The following ARHGEF28 variants were observed in gnomAD, a reference collection of about 807,000 sequenced individuals.
ARHGEF28 encodes the protein 190 kDa guanine nucleotide exchange factor.
ARHGEF28 carries 152 observed loss-of-function variants against 206.6 expected under a neutral mutation model. The observed-to-expected ratio is 0.74, with a 90% CI of 0.64 to 0.84. The LOEUF is 0.84. Ranked by LOEUF, ARHGEF28 falls within the 40% of genes least tolerant of loss-of-function variation. ARHGEF28 has a pLI of 0.00. For synonymous variants in ARHGEF28, 763 were observed against 776.4 expected (o/e 0.98, Z 0.29); for missense variants, 2,028 against 2,073.2 (o/e 0.98, Z 0.42).
intron 2 of ARHGEF28, among the ~76,000 whole-genome samples, chr5:73,697,988 G>A (rs529360447): frequency 1.3e-5 from 2 of 152,288 alleles, no homozygotes; most frequent in South Asian, 4.2e-4. Context: ...TGCAGGTTTT[G>A]TGAGGCCTGA....
At position 73,772,670 on chromosome 5, in the gene ARHGEF28, G is replaced by A. The variant is rs145852101; in HGVS notation, c.476-1185G>A. 8.5e-4 allele frequency among the ~76,000 whole-genome samples: 129 copies of A among 152,246 alleles called. 1 individual carries two copies. Among genetic ancestry groups the A allele is most frequent in the African/African-American group, 3.0e-3 (124 of 41,548 alleles). The stretch of plus-strand genomic sequence containing the variant: ...CTGGGATTAAGGCATTAGCCACCAC[G>A]CCTGGCCTTATAAGGGTTTTTAATG... On this transcript the variant is annotated intron_variant, in intron 4 of 35. Transcript: ENST00000513042.
intron 2 of ARHGEF28, among the ~76,000 whole-genome samples, chr5:73,703,478 A>T (rs1429155609): frequency 6.6e-6 from 1 of 152,138 alleles, no homozygotes; most frequent in Non-Finnish European, 1.5e-5. Context: ...GAGGAAGAGG[A>T]GGTCAGGTAG....
intron 2 of ARHGEF28, among the ~76,000 whole-genome samples, chr5:73,705,958 G>A (rs576772396): frequency 2.0e-5 from 3 of 152,248 alleles, no homozygotes; most frequent in East Asian, 3.9e-4. Flanking sequence ...AGCACGTGGC[G>A]GTGTTCAGCA....
chr5:73,666,629 A>G (rs1745977472), intron 1 of ARHGEF28, among the ~76,000 whole-genome samples: 1 of 152,220 alleles, frequency 6.6e-6, no homozygotes, highest in Non-Finnish European at 1.5e-5. Flanking sequence ...TGTCAACTGT[A>G]GAATGATGAG....
chr5:73,687,259 C>T (rs1158318696), intron 2 of ARHGEF28, among the ~76,000 whole-genome samples: 1 of 151,834 alleles, frequency 6.6e-6, no homozygotes, highest in Non-Finnish European at 1.5e-5. Flanking sequence ...TAGAAAAGGT[C>T]TTTTAATAAA....
chr5:73,847,169 T>G (rs1228052319), intron 12 of ARHGEF28, among the ~76,000 whole-genome samples: 7 of 152,240 alleles, frequency 4.6e-5, no homozygotes, highest in Non-Finnish European at 8.8e-5. Context: ...AGTTTACTTA[T>G]TACTATAAAA....
chr5:73,921,682 C>T (rs115050069), intron 35 of ARHGEF28, among the ~76,000 whole-genome samples: 2,529 of 152,210 alleles, frequency 0.017, 77 homozygotes, highest in African/African-American at 0.057. Flanking sequence ...TACACTATGG[C>T]TTTTTCTTTC....
At chr5:73,747,552 T>G (rs1242332424) in intron 2 of ARHGEF28, among the ~76,000 whole-genome samples, 1 of 152,212 alleles carries the variant, frequency 6.6e-6, no homozygotes, top group East Asian at 1.9e-4. Context: ...CATATTTTCT[T>G]TCCTTGTCTT....
chr5:73,840,953 G>C (rs1757952324), intron 11 of ARHGEF28, among the ~76,000 whole-genome samples, 193 bp downstream of exon 11: 1 of 152,050 alleles, frequency 6.6e-6, no homozygotes, highest in Admixed American at 6.5e-5. Flanking sequence ...ATATGATAAA[G>C]GAAAACCACG....
At chr5:73,877,841 A>C (rs1210549655) in intron 22 of ARHGEF28, among the ~76,000 whole-genome samples, 1 of 152,192 alleles carries the variant, frequency 6.6e-6, no homozygotes, top group Non-Finnish European at 1.5e-5. Context: ...TTTACTTCCA[A>C]CTGTGTGGCC....
At chr5:73,766,160 A>C (rs151222749) in intron 4 of ARHGEF28, among the ~76,000 whole-genome samples, 7,994 of 151,838 alleles carry the variant, frequency 0.053, 323 homozygotes, top group Non-Finnish European at 0.083. Flanking sequence ...TCTCAAAAAA[A>C]AAAAAACAAA....
At chr5:73,918,470 T>C (rs1184880516) in intron 35 of ARHGEF28, among the ~76,000 whole-genome samples, 4 of 152,266 alleles carry the variant, frequency 2.6e-5, no homozygotes, top group Non-Finnish European at 5.9e-5. Context: ...CAATATTATA[T>C]GGCATTTCAT....
chr5:73,894,337 A>C, intron 28 of ARHGEF28, 56 bp from the exon 29 acceptor site: 1 of 1,484,332 alleles, frequency 6.7e-7, no homozygotes, highest in Non-Finnish European at 9.1e-7. Flanking sequence ...GGACTTTCAC[A>C]TTAGTGGTTG....
At chr5:73,709,089 T>C (rs1749102592) in intron 2 of ARHGEF28, among the ~76,000 whole-genome samples, 1 of 152,234 alleles carries the variant, frequency 6.6e-6, no homozygotes, top group South Asian at 2.1e-4. Flanking sequence ...TCAGCTCCTT[T>C]CTTTACAATC....
intron 1 of ARHGEF28, among the ~76,000 whole-genome samples, chr5:73,640,925 C>T (rs186150822): frequency 2.1e-3 from 325 of 152,276 alleles, no homozygotes; most frequent in African/African-American, 7.2e-3. Context: ...TGGTACTGTG[C>T]CAGTTCCTAA....
At chr5:73,728,115 C>T (rs1228118017) in intron 2 of ARHGEF28, among the ~76,000 whole-genome samples, 1 of 152,176 alleles carries the variant, frequency 6.6e-6, no homozygotes, top group African/African-American at 2.4e-5. Context: ...CTTTCTGAGA[C>T]TTGATTCATC....
intron 33 of ARHGEF28, among the ~76,000 whole-genome samples, chr5:73,907,047 A>G (rs1438175985): frequency 1.3e-5 from 2 of 152,258 alleles, no homozygotes; most frequent in Admixed American, 6.5e-5. Flanking sequence ...GTTAAATCAC[A>G]GTGGTAATAG....
At chr5:73,780,770 T>C (rs540982328) in intron 7 of ARHGEF28, 25 bp downstream of exon 7, 5 of 1,551,468 alleles carry the variant, frequency 3.2e-6, no homozygotes, top group African/African-American at 1.4e-5. Flanking sequence ...TTCCCACTTA[T>C]GGCAGCCACA....
intron 1 of ARHGEF28, among the ~76,000 whole-genome samples, chr5:73,666,140 GA>G (rs1171587144): frequency 1.3e-5 from 2 of 151,774 alleles, no homozygotes; most frequent in Admixed American, 6.6e-5. Context: ...AAGAAGGCAA[GA>G]AAAAAAGGGG....
Sources: gnomAD v4.1 joint callset for allele counts (sites outside exome capture counted in the v4.1 genomes callset) on GRCh38, gnomAD v4.1.1 for gene constraint, MANE v1.5 for transcripts, NCBI Gene and HGNC (gene_info 2026-07-23, HGNC 2026-07-21) for gene names.